The following NARS2 variants were observed in gnomAD, a reference collection of about 807,000 sequenced individuals.
The protein encoded by NARS2 is asparaginyl-tRNA synthetase.
Under a neutral mutation model 62.9 loss-of-function variants are expected in NARS2, and 60 were observed. The observed-to-expected ratio is 0.95, with a 90% CI of 0.77 to 1.18. The LOEUF (loss-of-function observed/expected upper bound fraction) is 1.18. Among genes scored for constraint, NARS2 ranks in the 50% most tolerant of loss-of-function variants. The pLI, the probability that NARS2 is intolerant of heterozygous loss-of-function variation, is 0.00. For missense variants in NARS2, 619 were observed against 576.4 expected (o/e 1.07, Z -0.76); for synonymous variants, 196 against 200.0 (o/e 0.98, Z 0.17).
At chr11:78,466,892 A>G (rs1858645717) in intron 10 of NARS2, among the ~76,000 whole-genome samples, 1 of 152,252 alleles carries the variant, frequency 6.6e-6, no homozygotes, top group African/African-American at 2.4e-5. Context: ...TGCCTATTAA[A>G]TTCCAGGTAC....
At chr11:78,460,112 G>A (rs1430876753) in intron 11 of NARS2, among the ~76,000 whole-genome samples, 1 of 152,164 alleles carries the variant, frequency 6.6e-6, no homozygotes, top group Non-Finnish European at 1.5e-5. Context: ...GGTGATAGGA[G>A]AGAACAAAGT....
In NARS2 at chr11:78,574,498, G is replaced by A. The variant is rs1345115783; in HGVS notation, c.-10C>T. On this transcript the variant is annotated 5_prime_UTR_variant, in exon 1 of 14. Coordinates refer to ENST00000281038, the MANE Select transcript of NARS2 (RefSeq NM_024678.6). ...AGCGGACCCCCAGCATCCCGCGTCCGCCCAGGCCCTCCGCGGGAGCAGCCC... is the reference window on the plus strand; with the variant it reads ...AGCGGACCCCCAGCATCCCGCGTCCACCCAGGCCCTCCGCGGGAGCAGCCC... 2 of 1,604,996 alleles carry A rather than the reference G, an allele frequency of 1.2e-6. No individual in the cohort carries two copies. Among genetic ancestry groups the A allele is most frequent in the Non-Finnish European group, 8.5e-7 (1 of 1,176,398 alleles).
chr11:78,513,988 G>A (rs553246821), intron 6 of NARS2, among the ~76,000 whole-genome samples: 6 of 152,188 alleles, frequency 3.9e-5, no homozygotes, highest in South Asian at 2.1e-4. Context: ...CATGTGAGAC[G>A]CATACTCCTT....
At chr11:78,470,303 C>G (rs1054581130) in intron 9 of NARS2, among the ~76,000 whole-genome samples, 19 of 152,106 alleles carry the variant, frequency 1.2e-4, no homozygotes, top group Non-Finnish European at 1.9e-4. Context: ...GGTAACTTGT[C>G]TACATAGTTT....
At chr11:78,445,387 G>C (rs551573290) in intron 11 of NARS2, among the ~76,000 whole-genome samples, 1 of 152,180 alleles carries the variant, frequency 6.6e-6, no homozygotes, top group South Asian at 2.1e-4. Flanking sequence ...TTGGGAGGCC[G>C]AGGTGGGCGG....
intron 5 of NARS2, chr11:78,546,459 T>C (rs1220113408): frequency 2.0e-5 from 3 of 152,234 alleles, no homozygotes; most frequent in Non-Finnish European, 2.9e-5. Flanking sequence ...TAGGCAGCTA[T>C]CTTTGGACAG....
At chr11:78,441,539 C>T (rs956488278) in intron 12 of NARS2, among the ~76,000 whole-genome samples, 1 of 151,928 alleles carries the variant, frequency 6.6e-6, no homozygotes, top group African/African-American at 2.4e-5. Flanking sequence ...GGTGAAACCC[C>T]ATCTCTACTA....
intron 11 of NARS2, among the ~76,000 whole-genome samples, chr11:78,458,763 T>C (rs953146115): frequency 6.6e-6 from 1 of 152,196 alleles, no homozygotes; most frequent in Non-Finnish European, 1.5e-5. Flanking sequence ...GAAGTTGATA[T>C]GGTTTTGCTG....
intron 7 of NARS2, among the ~76,000 whole-genome samples, chr11:78,486,984 TAATG>T (rs1591191559): frequency 6.6e-6 from 1 of 152,060 alleles, no homozygotes; most frequent in East Asian, 1.9e-4. Context: ...CTCATTATCA[TAATG>T]AAGACAAAAG....
chr11:78,449,467 G>T (rs898133731), intron 11 of NARS2, among the ~76,000 whole-genome samples: 2 of 151,840 alleles, frequency 1.3e-5, no homozygotes, highest in African/African-American at 4.8e-5. Flanking sequence ...TACCATGGTA[G>T]GATAGCTACG....
chr11:78,549,845 TG>T (rs1169831544), intron 5 of NARS2, among the ~76,000 whole-genome samples: 2 of 151,800 alleles, frequency 1.3e-5, no homozygotes, highest in African/African-American at 4.8e-5. Context: ...GGCTTCACAC[TG>T]GTAGGGGGTG....
At chr11:78,440,787 C>G (rs1857552860) in intron 13 of NARS2, among the ~76,000 whole-genome samples, 1 of 152,180 alleles carries the variant, frequency 6.6e-6, no homozygotes, top group Admixed American at 6.5e-5. Flanking sequence ...CCTGCCTTGG[C>G]CTCCCAAAGT....
intron 9 of NARS2, among the ~76,000 whole-genome samples, chr11:78,474,967 T>C (rs1007273605): frequency 3.3e-5 from 5 of 152,114 alleles, no homozygotes; most frequent in East Asian, 1.9e-4. Context: ...TTTTGAGATA[T>C]ACATTACAAT....
rs771436826 is a variant in NARS2, at chr11:78,436,487, G to A, written c.*183C>T. The stretch of plus-strand genomic sequence containing the variant: ...TCTTCTTGCGGGAGCTCATCCTTAC[G>A]TGAAATACCCTCAACTTTCTAAGAA... On this transcript the variant is annotated 3_prime_UTR_variant, in exon 14 of 14. Transcript: ENST00000281038. 50 of 721,152 alleles carry A rather than the reference G, an allele frequency of 6.9e-5. No individual in the cohort carries two copies. The highest frequency in any genetic ancestry group is 1.0e-4 in the Non-Finnish European group (45 of 444,488). The allele number at this position is 721,152 out of a possible 1,614,324, so 44.7% of individuals were successfully genotyped here.
intron 11 of NARS2, 138 bp from the exon 12 acceptor site, chr11:78,443,896 A>T (rs1438211753): frequency 1.7e-6 from 1 of 602,070 alleles, no homozygotes; most frequent in Non-Finnish European, 2.9e-6. Flanking sequence ...CATACAAATT[A>T]TAAGTGGACA....
Position 78,465,972 on chromosome 11 carries a change from C to T in NARS2, c.1068G>A (p.Val356=), listed in dbSNP as rs1482843536. ...AGACAGGTATGTTGCCACAGTGCTT[C>T]ACCAGGTACTTTTCATGTTCAGTCC... ...DLRTEHEKYL[V]KHCGNIPVFV... The change falls in exon 11 of 14, where the codon GTG becomes GTA. Residue 356 remains valine (V), a synonymous_variant. Transcript: ENST00000281038. The T allele has an allele frequency of 3.1e-6, 5 of 1,613,380 alleles. No individual in the cohort carries two copies. In the African/African-American group the frequency reaches 5.3e-5, roughly 17 times the overall value.
At chr11:78,472,875 C>T (rs1565221110) in intron 9 of NARS2, among the ~76,000 whole-genome samples, 1 of 152,202 alleles carries the variant, frequency 6.6e-6, no homozygotes, top group African/African-American at 2.4e-5. Flanking sequence ...AGAGAGGGCA[C>T]CACCACACAA....
chr11:78,563,961 G>T (rs563870138), intron 4 of NARS2, among the ~76,000 whole-genome samples: 10 of 146,440 alleles, frequency 6.8e-5, no homozygotes, highest in Non-Finnish European at 1.3e-4. Flanking sequence ...GAGTGCAGTG[G>T]CGCAGTCTCT....
At chr11:78,527,952 T>C (rs977552141) in intron 6 of NARS2, among the ~76,000 whole-genome samples, 2 of 152,030 alleles carry the variant, frequency 1.3e-5, no homozygotes, top group Admixed American at 6.6e-5. Context: ...CTACAAAAAA[T>C]TTTAAAAATT....
Sources: allele counts gnomAD v4.1 joint callset (sites outside exome capture counted in the v4.1 genomes callset), GRCh38; gene constraint gnomAD v4.1.1; transcripts MANE v1.5; gene names NCBI Gene and HGNC (gene_info 2026-07-23, HGNC 2026-07-21).